Variants in LHFPL3 observed in about 807,000 individuals in gnomAD.
LHFPL3 encodes the protein LHFPL tetraspan subfamily member 3 protein.
Under a neutral mutation model 19.3 loss-of-function variants are expected in LHFPL3, and 5 were observed. That is an observed-to-expected ratio of 0.26 (90% CI 0.14 to 0.54). The LOEUF is 0.54. LHFPL3 is among the 20% of genes least tolerant of loss of function. The probability of loss-of-function intolerance (pLI) is 0.94; values close to 1 mark genes in which losing one functional copy is unlikely to be tolerated. For missense variants in LHFPL3, 249 were observed against 307.4 expected (o/e 0.81, Z 1.42); for synonymous variants, 133 against 126.2 (o/e 1.05, Z -0.36).
At chr7:104,533,629 A>G (rs551894389) in intron 1 of LHFPL3, among the ~76,000 whole-genome samples, 45 of 152,292 alleles carry the variant, frequency 3.0e-4, no homozygotes, top group African/African-American at 8.7e-4. Context: ...AATCTTGACC[A>G]ACTCACCCAG....
chr7:104,738,709 A>G (rs200343555), intron 2 of LHFPL3: 3 of 152,316 alleles, frequency 2.0e-5, no homozygotes, highest in East Asian at 1.9e-4. Flanking sequence ...GCTTAGAGGT[A>G]TAGAATAATG....
intron 1 of LHFPL3, among the ~76,000 whole-genome samples, chr7:104,460,828 C>T (rs1416942399): frequency 6.6e-6 from 1 of 152,162 alleles, no homozygotes; most frequent in Non-Finnish European, 1.5e-5. Context: ...TTTTGCTGTA[C>T]AGAAGCTCTT....
At chr7:104,391,889 G>T (rs1791077702) in intron 1 of LHFPL3, among the ~76,000 whole-genome samples, 1 of 152,178 alleles carries the variant, frequency 6.6e-6, no homozygotes. Flanking sequence ...TCTCCTTGAA[G>T]AGGTCCTTCA....
Position 104,906,308 on chromosome 7 carries a change from C to T in LHFPL3, c.*93C>T, listed in dbSNP as rs554288975. 6.7e-5 allele frequency: 93 copies of T among 1,383,940 alleles called. No homozygotes were observed. The African/African-American group carries it at 8.1e-4, about 12-fold the overall frequency. The allele number at this position is 1,383,940 out of a possible 1,614,324, so 85.7% of individuals were successfully genotyped here. On this transcript the variant is annotated 3_prime_UTR_variant, in exon 3 of 3. Transcript: ENST00000424859. ...TGTACATCAACATCAAGAAGGAATA[C>T]GCCTGAGAGAGATCAGAGTATATAG...
At chr7:104,525,317 T>G (rs1027674285) in intron 1 of LHFPL3, among the ~76,000 whole-genome samples, 1 of 152,314 alleles carries the variant, frequency 6.6e-6, no homozygotes, top group African/African-American at 2.4e-5. Flanking sequence ...TCTGAAGACT[T>G]CAGTATAAAT....
intron 1 of LHFPL3, among the ~76,000 whole-genome samples, chr7:104,478,896 C>T (rs1011589173): frequency 6.6e-5 from 10 of 152,134 alleles, no homozygotes; most frequent in Admixed American, 3.3e-4. Flanking sequence ...AACATTGCCC[C>T]GGAACACAAT....
At chr7:104,473,388 A>T (rs1279304847) in intron 1 of LHFPL3, among the ~76,000 whole-genome samples, 1 of 152,236 alleles carries the variant, frequency 6.6e-6, no homozygotes, top group Non-Finnish European at 1.5e-5. Context: ...TCTCTGATAG[A>T]ATGAACAGCA....
chr7:104,788,119 C>T (rs528268724), intron 2 of LHFPL3, among the ~76,000 whole-genome samples: 3 of 152,160 alleles, frequency 2.0e-5, no homozygotes, highest in Non-Finnish European at 2.9e-5. Context: ...TTTCTGCTCA[C>T]GCGTGGGGGA....
At chr7:104,783,466 T>C (rs1470633218) in intron 2 of LHFPL3, among the ~76,000 whole-genome samples, 2 of 152,218 alleles carry the variant, frequency 1.3e-5, no homozygotes, top group African/African-American at 4.8e-5. Flanking sequence ...ATAAGAAATT[T>C]TGAAGCCAAG....
At chr7:104,819,991 ACT>A (rs1265617576) in intron 2 of LHFPL3, among the ~76,000 whole-genome samples, 3 of 152,006 alleles carry the variant, frequency 2.0e-5, no homozygotes, top group East Asian at 1.9e-4. Context: ...GGAAGAGAAA[ACT>A]CTGTCTCTGT....
chr7:104,688,345 G>A lies in LHFPL3; in HGVS notation c.446-48330G>A, dbSNP rs116135720. Among the ~76,000 whole-genome samples the A allele has an allele frequency of 7.2e-3, 1,100 of 152,224 alleles. 6 individuals are homozygous for A. Among genetic ancestry groups the A allele is most frequent in the African/African-American group, 0.025 (1,024 of 41,530 alleles). On this transcript the variant is annotated intron_variant, in intron 1 of 2. Coordinates refer to ENST00000424859, the MANE Select transcript of LHFPL3 (RefSeq NM_199000.3). ...CCTGTAGACAAAGGGCTGAAATTGCGGAAAATCAGACACAAGCTCTTATCA... is the reference window on the plus strand; with the variant it reads ...CCTGTAGACAAAGGGCTGAAATTGCAGAAAATCAGACACAAGCTCTTATCA...
At chr7:104,413,334 C>A (rs1204233013) in intron 1 of LHFPL3, among the ~76,000 whole-genome samples, 1 of 152,132 alleles carries the variant, frequency 6.6e-6, no homozygotes, top group Non-Finnish European at 1.5e-5. Context: ...GTTCCTATTC[C>A]CCCAGGGAGT....
intron 2 of LHFPL3, among the ~76,000 whole-genome samples, chr7:104,823,605 A>G (rs1042869468): frequency 6.6e-6 from 1 of 152,202 alleles, no homozygotes; most frequent in African/African-American, 2.4e-5. Flanking sequence ...ATATTATGCC[A>G]TAAAGATCAC....
chr7:104,599,534 G>C (rs1451184625), intron 1 of LHFPL3, among the ~76,000 whole-genome samples: 1 of 152,154 alleles, frequency 6.6e-6, no homozygotes. Flanking sequence ...CCCATCACAT[G>C]TTTATTCTTT....
chr7:104,339,539 A>T (rs1789905926), intron 1 of LHFPL3, among the ~76,000 whole-genome samples: 1 of 152,196 alleles, frequency 6.6e-6, no homozygotes, highest in Admixed American at 6.5e-5. Context: ...AAAAATTGAG[A>T]TCAACACGCA....
intron 1 of LHFPL3, among the ~76,000 whole-genome samples, chr7:104,457,291 C>A (rs1170991126): frequency 6.6e-6 from 1 of 150,944 alleles, no homozygotes; most frequent in African/African-American, 2.4e-5. Context: ...CACAACAGTC[C>A]CCAGAGTGTG....
At position 104,573,712 on chromosome 7, in the gene LHFPL3, A is replaced by G. The variant is rs115091190; in HGVS notation, c.446-162963A>G. ...CTGTTACTGTTTTGGTCTTCCTTCA[A>G]TCAGCTCACCTCAGTGGCCAGTCCT... On this transcript the variant is annotated intron_variant, in intron 1 of 2. Transcript: ENST00000424859. Among the ~76,000 whole-genome samples the G allele has an allele frequency of 4.0e-3, 613 of 152,312 alleles. 8 individuals are homozygous for G. The highest frequency in any genetic ancestry group is 0.013 in the African/African-American group (541 of 41,568).
At chr7:104,868,806 C>T (rs906953806) in intron 2 of LHFPL3, among the ~76,000 whole-genome samples, 16 of 152,124 alleles carry the variant, frequency 1.1e-4, no homozygotes, top group African/African-American at 3.4e-4. Flanking sequence ...GGAGGCATCA[C>T]GCTACCTGAC....
intron 2 of LHFPL3, among the ~76,000 whole-genome samples, chr7:104,830,336 T>C (rs1436190035): frequency 6.6e-6 from 1 of 151,852 alleles, no homozygotes; most frequent in African/African-American, 2.4e-5. Context: ...TTTAGTTTAA[T>C]TAGATCCCAT....
Sources: gnomAD v4.1 joint callset for allele counts (sites outside exome capture counted in the v4.1 genomes callset) on GRCh38, gnomAD v4.1.1 for gene constraint, MANE v1.5 for transcripts, NCBI Gene and HGNC (gene_info 2026-07-23, HGNC 2026-07-21) for gene names.